PID1: variants seen among roughly 807,000 people sequenced by gnomAD.
PID1 encodes phosphotyrosine interaction domain containing 1, also known as PTB-containing, cubilin and LRP1-interacting protein.
PID1 carries 10 observed loss-of-function variants against 19.1 expected under a neutral mutation model. The ratio of observed to expected loss-of-function variants is 0.52; its 90% CI spans 0.32 to 0.89. The LOEUF (loss-of-function observed/expected upper bound fraction) is 0.89. PID1 is among the 40% of genes least tolerant of loss of function. PID1 has a pLI of 0.03. For synonymous variants in PID1, 130 were observed against 116.0 expected (o/e 1.12, Z -0.78); for missense variants, 248 against 285.3 (o/e 0.87, Z 0.94).
At chr2:229,026,331 T>C (rs1282015497) in intron 2 of PID1, among the ~76,000 whole-genome samples, 1 of 152,232 alleles carries the variant, frequency 6.6e-6, no homozygotes, top group African/African-American at 2.4e-5. Flanking sequence ...TAGAGTTGGA[T>C]TTTAAAATCT....
intron 1 of PID1, among the ~76,000 whole-genome samples, chr2:229,174,801 A>G (rs980499518): frequency 6.6e-6 from 1 of 152,206 alleles, no homozygotes; most frequent in Non-Finnish European, 1.5e-5. Context: ...GAAAGTGAAC[A>G]ACTCATAGAG....
intron 2 of PID1, among the ~76,000 whole-genome samples, chr2:229,066,829 G>C (rs1694336190): frequency 6.6e-6 from 1 of 151,944 alleles, no homozygotes; most frequent in African/African-American, 2.4e-5. Flanking sequence ...TTCATACCAA[G>C]TGTGATTTGG....
intron 1 of PID1, among the ~76,000 whole-genome samples, chr2:229,173,267 T>C (rs1690747737): frequency 6.6e-6 from 1 of 152,182 alleles, no homozygotes; most frequent in Admixed American, 6.5e-5. Context: ...TGGACCTGAA[T>C]TGACTCAAGG....
At chr2:229,052,214 T>A (rs1422119056) in intron 2 of PID1, among the ~76,000 whole-genome samples, 1 of 152,170 alleles carries the variant, frequency 6.6e-6, no homozygotes, top group Non-Finnish European at 1.5e-5. Flanking sequence ...TCATAATTCA[T>A]ATATGTGGAC....
chr2:229,264,084 T>C (rs1462753552), intron 1 of PID1, among the ~76,000 whole-genome samples: 1 of 152,118 alleles, frequency 6.6e-6, no homozygotes, highest in Admixed American at 6.6e-5. Flanking sequence ...TGGAAGGAAA[T>C]GTTGCTTCTG....
At chr2:229,057,701 T>C (rs553306393) in intron 2 of PID1, among the ~76,000 whole-genome samples, 2 of 152,214 alleles carry the variant, frequency 1.3e-5, no homozygotes, top group South Asian at 2.1e-4. Flanking sequence ...ATTGTGTGAG[T>C]TGGTAGAACT....
At chr2:229,100,307 T>C (rs909152888) in intron 2 of PID1, among the ~76,000 whole-genome samples, 2 of 152,246 alleles carry the variant, frequency 1.3e-5, no homozygotes, top group African/African-American at 4.8e-5. Flanking sequence ...TAATAATTTA[T>C]AGTAAGATTA....
chr2:229,032,190 T>C (rs1041236780), intron 2 of PID1, among the ~76,000 whole-genome samples: 3 of 152,180 alleles, frequency 2.0e-5, no homozygotes, highest in Non-Finnish European at 2.9e-5. Flanking sequence ...TATACCTGTA[T>C]ATTTCTATAT....
At chr2:229,251,716 T>C (rs779663576) in intron 1 of PID1, among the ~76,000 whole-genome samples, 21 of 152,244 alleles carry the variant, frequency 1.4e-4, no homozygotes, top group Non-Finnish European at 2.5e-4. Context: ...TTAAATTTCC[T>C]ATGTAAAATT....
intron 1 of PID1, among the ~76,000 whole-genome samples, chr2:229,270,692 C>A (rs1002363166): frequency 6.6e-6 from 1 of 150,678 alleles, no homozygotes; most frequent in Non-Finnish European, 1.5e-5. Context: ...ATCCTAACCC[C>A]AGACCACTGC....
At position 229,174,118 on chromosome 2, in the gene PID1, T is replaced by A. The variant is rs182074089; in HGVS notation, c.31-18154A>T. 5.9e-5 allele frequency among the ~76,000 whole-genome samples: 9 copies of A among 152,322 alleles called. No homozygotes were observed. The East Asian group carries it at 1.7e-3, about 29-fold the overall frequency. ...TCTCAGGAGACCTCAAACTTAAGAA[T>A]TTCTTGTTTACTCAGTGTTTGCTCA... is the stretch of plus-strand genomic sequence containing the variant. On this transcript the variant is annotated intron_variant, in intron 1 of 2. Coordinates refer to ENST00000392055, the MANE Select transcript of PID1 (RefSeq NM_001100818.2).
chr2:229,163,105 T>C (rs1458993058), intron 1 of PID1, among the ~76,000 whole-genome samples: 1 of 152,206 alleles, frequency 6.6e-6, no homozygotes, highest in African/African-American at 2.4e-5. Flanking sequence ...GTTCAACTTA[T>C]AACCTATAAA....
At position 229,184,273 on chromosome 2, in the gene PID1, TC is replaced by T. The variant is rs1691037634; in HGVS notation, c.31-28310del. 1.1e-3 allele frequency among the ~76,000 whole-genome samples: 2 copies of T among 1,754 alleles called. 1 individual carries two copies. The highest frequency in any genetic ancestry group is 0.091 in the South Asian group (2 of 22). The allele number at this position is 1,754 out of a possible 152,430, so 1.2% of individuals were successfully genotyped here. Reference sequence around the variant, plus strand: ...TATGTATATATCCCATATGTATATATCCCATATATATATCCCATATATATAT... The same window carrying T: ...TATGTATATATCCCATATGTATATATCCATATATATATCCCATATATATAT... On this transcript the variant is annotated intron_variant, in intron 1 of 2. Coordinates refer to ENST00000392055, the MANE Select transcript of PID1 (RefSeq NM_001100818.2).
chr2:229,112,674 G>C (rs538875839), intron 2 of PID1, among the ~76,000 whole-genome samples: 1 of 151,942 alleles, frequency 6.6e-6, no homozygotes, highest in Non-Finnish European at 1.5e-5. Flanking sequence ...TAGTAGACAC[G>C]GGGTTTCACC....
chr2:229,195,368 T>A (rs563038197), intron 1 of PID1, among the ~76,000 whole-genome samples: 58 of 151,566 alleles, frequency 3.8e-4, no homozygotes, highest in African/African-American at 1.2e-3. Flanking sequence ...CATACACACA[T>A]ACATATAAAC....
intron 2 of PID1, among the ~76,000 whole-genome samples, chr2:229,032,451 G>C (rs980723731): frequency 1.3e-5 from 2 of 152,150 alleles, no homozygotes; most frequent in African/African-American, 4.8e-5. Context: ...CTTTCTAGAG[G>C]AATAATAGGC....
chr2:229,040,098 T>C (rs1381103881), intron 2 of PID1, among the ~76,000 whole-genome samples: 2 of 150,252 alleles, frequency 1.3e-5, no homozygotes, highest in African/African-American at 4.9e-5. Flanking sequence ...ATGAAGTGAC[T>C]TATTGGGTAT....
intron 2 of PID1, among the ~76,000 whole-genome samples, chr2:229,052,027 G>A (rs1450401886): frequency 6.6e-6 from 1 of 152,206 alleles, no homozygotes; most frequent in East Asian, 1.9e-4. Context: ...CTCTGGGGCT[G>A]ACAGACACTC....
At chr2:229,211,001 T>C (rs1308413081) in intron 1 of PID1, among the ~76,000 whole-genome samples, 1 of 152,244 alleles carries the variant, frequency 6.6e-6, no homozygotes, top group Non-Finnish European at 1.5e-5. Context: ...CATCGACTAC[T>C]AGTTTCTAAA....
Sources: gnomAD v4.1 joint callset for allele counts (sites outside exome capture counted in the v4.1 genomes callset) on GRCh38, gnomAD v4.1.1 for gene constraint, MANE v1.5 for transcripts, NCBI Gene and HGNC (gene_info 2026-07-23, HGNC 2026-07-21) for gene names.